ENO4: variants seen among roughly 807,000 people sequenced by gnomAD.
ENO4 encodes the protein 2-phospho-D-glycerate hydro-lyase.
In ENO4, 53 loss-of-function variants were observed where a neutral mutation model predicts 63.2. That is an observed-to-expected ratio of 0.84 (90% CI 0.67 to 1.05). The LOEUF (loss-of-function observed/expected upper bound fraction) is 1.05, where lower values mean the gene tolerates loss of function less well. Ranked by LOEUF, ENO4 falls within the 50% of genes least tolerant of loss-of-function variation. The probability of loss-of-function intolerance (pLI) is 0.00; values close to 1 mark genes in which losing one functional copy is unlikely to be tolerated. For synonymous variants in ENO4, 266 were observed against 283.8 expected (o/e 0.94, Z 0.63); for missense variants, 719 against 772.0 (o/e 0.93, Z 0.81).
rs1848203145 is a variant in ENO4 at position 116,911,653 on chromosome 10, C to A, written c.*81C>A. 7 of 1,566,538 alleles carry A rather than the reference C, an allele frequency of 4.5e-6. No individual in the cohort carries two copies. The South Asian group carries it at 8.1e-5, about 18-fold the overall frequency. On this transcript the variant is annotated 3_prime_UTR_variant, in exon 11 of 11. Coordinates refer to the ENO4 transcript ENST00000369207. The stretch of plus-strand genomic sequence containing the variant: ...TGATGGAGCAGTCTGTAAGCACGAT[C>A]AAATAAACTGGCCAAAGATGAGGCT...
At chr10:116,901,023 A>G in intron 10 of ENO4, 1 of 985,458 alleles carries the variant, frequency 1.0e-6, no homozygotes, top group Non-Finnish European at 1.2e-6. Context: ...TTGATAGGAC[A>G]GGAAATCAGA....
intron 7 of ENO4, among the ~76,000 whole-genome samples, chr10:116,867,670 G>T (rs1846583072): frequency 6.6e-6 from 1 of 152,194 alleles, no homozygotes. Flanking sequence ...TAGACAGAAA[G>T]ATGTCACAGG....
intron 9 of ENO4, among the ~76,000 whole-genome samples, chr10:116,872,128 C>T (rs983480946): frequency 3.9e-5 from 6 of 152,120 alleles, no homozygotes; most frequent in African/African-American, 9.7e-5. Context: ...ACCCAGGAGG[C>T]GGAGGTTGCA....
Position 116,876,048 on chromosome 10 carries a change from CTT to C in ENO4, c.1342-16_1342-15del. ...GTTCAATGCATTATAATGATCAACTCTTAAATATTTACCCAGGACTCTGAACA... is the reference window on the plus strand; with the variant it reads ...GTTCAATGCATTATAATGATCAACTCAAATATTTACCCAGGACTCTGAACA... On this transcript the variant is annotated splice_polypyrimidine_tract_variant and intron_variant, in intron 10 of 13. Transcript: ENST00000341276. 1 of 1,502,406 alleles carries C rather than the reference CTT, an allele frequency of 6.7e-7. No individual in the cohort carries two copies. Among genetic ancestry groups the C allele is most frequent in the Non-Finnish European group, 8.9e-7 (1 of 1,124,856 alleles). The allele number at this position is 1,502,406 out of a possible 1,614,324, so 93.1% of individuals were successfully genotyped here.
In ENO4 at chr10:116,855,674, G is replaced by A; in HGVS notation, c.217G>A (p.Gly73Arg). The A allele has an allele frequency of 6.5e-7, 1 of 1,536,328 alleles. No individual in the cohort carries two copies. The highest frequency in any genetic ancestry group is 8.7e-7 in the Non-Finnish European group (1 of 1,146,956). The change falls in exon 2 of 14, where the codon GGG (glycine) becomes AGG (arginine). Residue 73 changes from glycine (G) to arginine (R), a missense_variant. Gly to Arg is a moderately radical substitution (Grantham distance 125, BLOSUM62 -2). Coordinates refer to ENST00000341276, the MANE Select transcript of ENO4 (RefSeq NM_001242699.2). ...GCCTCCCACCATATGCAAAATAGTGGGGAAAGACGTACTAGATGGACTGGG... is the reference window on the plus strand; with the variant it reads ...GCCTCCCACCATATGCAAAATAGTGAGGAAAGACGTACTAGATGGACTGGG... ...AKPPTICKIV[G>R]KDVLDGLGLP...
Position 116,882,132 on chromosome 10 carries a change from G to GT in ENO4, c.*464dup, listed in dbSNP as rs1847033417. On this transcript the variant is annotated 3_prime_UTR_variant, in exon 14 of 14. Coordinates refer to ENST00000341276, the MANE Select transcript of ENO4 (RefSeq NM_001242699.2). The stretch of plus-strand genomic sequence containing the variant: ...GACACATTTTTGTAACCAACCTCAC[G>GT]TAGAAGTGTGAGAGCATCACCATTT... 6.6e-6 allele frequency: 1 copy of GT among 152,570 alleles called. No individual in the cohort carries two copies. Among genetic ancestry groups the GT allele is most frequent in the African/African-American group, 2.4e-5 (1 of 41,418 alleles). The allele number at this position is 152,570 out of a possible 1,614,324, so 9.5% of individuals were successfully genotyped here.
intron 8 of ENO4, among the ~76,000 whole-genome samples, chr10:116,869,391 T>C (rs1489876285): frequency 1.3e-5 from 2 of 152,184 alleles, no homozygotes; most frequent in African/African-American, 2.4e-5. Context: ...GCATCTGCAG[T>C]ATTTGCTTTG....
chr10:116,868,857 C>G lies in ENO4; in HGVS notation c.1047+151C>G, dbSNP rs201883348. ...GATATTGCTCCAGACACCCCCAGAG[C>G]TGCAGTATCATGCTGCCCCTGCCTT... is the stretch of plus-strand genomic sequence containing the variant. On this transcript the variant is annotated intron_variant, in intron 8 of 13. Coordinates refer to ENST00000341276, the MANE Select transcript of ENO4 (RefSeq NM_001242699.2). 1.2e-4 allele frequency among the ~76,000 whole-genome samples: 19 copies of G among 152,268 alleles called. No individual in the cohort carries two copies. The East Asian group carries it at 1.7e-3, about 14-fold the overall frequency.
intron 10 of ENO4, among the ~76,000 whole-genome samples, chr10:116,893,445 A>G (rs1847403081): frequency 6.6e-6 from 1 of 152,128 alleles, no homozygotes; most frequent in Non-Finnish European, 1.5e-5. Context: ...CTTTAATTGT[A>G]TAAGAGCATC....
chr10:116,869,170 T>C lies in ENO4; in HGVS notation c.1047+464T>C, dbSNP rs182660572. 6.6e-5 allele frequency among the ~76,000 whole-genome samples: 10 copies of C among 152,334 alleles called. No individual in the cohort carries two copies. In the South Asian group the frequency reaches 1.9e-3, roughly 28 times the overall value. ...ACGAACCATTGCAGGAACTCCGATT[T>C]TGCCAGGAGAGTGAGGCGAACAGCC... On this transcript the variant is annotated intron_variant, in intron 8 of 13. Coordinates refer to ENST00000341276, the MANE Select transcript of ENO4 (RefSeq NM_001242699.2).
chr10:116,860,756 T>C (rs753107358), intron 4 of ENO4, 38 bp from the exon 5 acceptor site: 10 of 1,281,144 alleles, frequency 7.8e-6, no homozygotes, highest in Non-Finnish European at 7.1e-6. Context: ...GTAAAGCATT[T>C]AGAAATACAG....
intron 10 of ENO4, chr10:116,907,948 A>G: frequency 1.9e-6 from 1 of 514,942 alleles, no homozygotes; most frequent in Non-Finnish European, 3.9e-6. Context: ...TCTACTGGCT[A>G]AAAATGGTTG....
intron 10 of ENO4, 46 bp from the exon 11 acceptor site, chr10:116,876,019 T>C: frequency 7.4e-7 from 1 of 1,347,762 alleles, no homozygotes. Context: ...TGTTTTGTAA[T>C]TATGTTCAAT....
chr10:116,868,841 C>A, intron 8 of ENO4, 135 bp downstream of exon 8: 1 of 753,684 alleles, frequency 1.3e-6, no homozygotes, highest in Non-Finnish European at 2.3e-6. Context: ...TGATATTGCT[C>A]CAGACACCCC....
intron 9 of ENO4, 105 bp from the exon 10 acceptor site, chr10:116,873,971 C>T (rs1253552942): frequency 2.2e-6 from 3 of 1,366,272 alleles, no homozygotes; most frequent in East Asian, 2.6e-5. Context: ...AACCTGTTTA[C>T]AACCTCTTAT....
At chr10:116,891,591 G>T (rs1847344457) in intron 10 of ENO4, among the ~76,000 whole-genome samples, 1 of 152,138 alleles carries the variant, frequency 6.6e-6, no homozygotes, top group Non-Finnish European at 1.5e-5. Flanking sequence ...TATTTTCTCT[G>T]GTGTAAAAAT....
downstream of ENO4, chr10:116,883,080 C>T (rs1847067680): frequency 6.6e-6 from 1 of 151,488 alleles, no homozygotes; most frequent in African/African-American, 2.4e-5. Context: ...CAATGAATAA[C>T]AAAATAACTA....
Position 116,881,625 on chromosome 10 carries a change from C to G in ENO4, c.1834C>G (p.Gln612Glu), listed in dbSNP as rs1446837937. ...REPLVPTFPT[Q>E]GVEESAETGA... ...GCCGCTGGTGCCCACCTTCCCCACACAAGGTGTAGAGGAATCAGCCGAAAC... is the reference window on the plus strand; with the variant it reads ...GCCGCTGGTGCCCACCTTCCCCACAGAAGGTGTAGAGGAATCAGCCGAAAC... Residue 612 changes from glutamine to glutamate, a missense_variant, in exon 14 of 14, where the codon CAA (glutamine) becomes GAA (glutamate). Gln to Glu is a conservative substitution (Grantham distance 29). Transcript: ENST00000341276. 6.5e-7 allele frequency: 1 copy of G among 1,550,312 alleles called. No individual in the cohort carries two copies. The highest frequency in any genetic ancestry group is 8.7e-7 in the Non-Finnish European group (1 of 1,146,938).
At chr10:116,910,156 A>G (rs914695399) in intron 10 of ENO4, among the ~76,000 whole-genome samples, 11 of 152,184 alleles carry the variant, frequency 7.2e-5, no homozygotes, top group Admixed American at 2.0e-4. Context: ...GGGAATTACA[A>G]ATAGTCCATC....
Sources: gnomAD v4.1 joint callset for allele counts (sites outside exome capture counted in the v4.1 genomes callset) on GRCh38, gnomAD v4.1.1 for gene constraint, MANE v1.5 for transcripts, NCBI Gene and HGNC (gene_info 2026-07-23, HGNC 2026-07-21) for gene names.